ANKRD29: variants seen among roughly 807,000 people sequenced by gnomAD.
The protein encoded by ANKRD29 is ankyrin repeat domain-containing protein 29.
ANKRD29 carries 32 observed loss-of-function variants against 38.0 expected under a neutral mutation model. That is an observed-to-expected ratio of 0.84 (90% CI 0.64 to 1.13). The LOEUF (loss-of-function observed/expected upper bound fraction) is 1.13, where lower values mean the gene tolerates loss of function less well. Ranked by LOEUF, ANKRD29 falls within the 50% of genes most tolerant of loss-of-function variation. The probability of loss-of-function intolerance (pLI) is 0.00; values close to 1 mark genes in which losing one functional copy is unlikely to be tolerated. For synonymous variants in ANKRD29, 135 were observed against 152.4 expected, an observed-to-expected ratio of 0.89 and a Z score of 0.84; for missense variants, 357 against 377.9, an observed-to-expected ratio of 0.94 and a Z score of 0.46.
chr18:23,603,392 G>T (rs1387895415), intron 9 of ANKRD29, among the ~76,000 whole-genome samples: 1 of 152,248 alleles, frequency 6.6e-6, no homozygotes, highest in African/African-American at 2.4e-5. Context: ...CAGCACTTTG[G>T]GAGGCCAAGG....
chr18:23,639,277 C>T (rs1394122903), intron 3 of ANKRD29, among the ~76,000 whole-genome samples: 2 of 152,098 alleles, frequency 1.3e-5, no homozygotes, highest in East Asian at 3.9e-4. Context: ...GGCCCTAAAT[C>T]TAATGACAAG....
intron 4 of ANKRD29, among the ~76,000 whole-genome samples, chr18:23,637,994 C>CTTTTTTTTTTT (rs3083465): frequency 1.0e-4 from 10 of 98,080 alleles, no homozygotes; most frequent in African/African-American, 3.3e-4. Flanking sequence ...TCAATTACTT[C>CTTTTTTTTTTT]TTTTTTTTTT....
chr18:23,612,170 A>G lies in ANKRD29; in HGVS notation c.744T>C (p.His248=), dbSNP rs2059651445. 7.4e-6 allele frequency: 12 copies of G among 1,613,904 alleles called. No homozygotes were observed. The highest frequency in any genetic ancestry group is 1.0e-5 in the Non-Finnish European group (12 of 1,179,918). ...GILKNGTSAL[H]AAVLSGNIKT... is the part of the protein sequence containing the mutation. ...TAATGTTTCCACTGAGCACTGCTGC[A>G]TGGAGCGCTGATGTCCCATTCTAAG... is the stretch of plus-strand genomic sequence containing the variant. Residue 248 remains histidine, a synonymous_variant, in exon 9 of 10, where the codon CAT becomes CAC. Transcript: ENST00000592179.
At position 23,662,764 on chromosome 18, in the gene ANKRD29, T is replaced by G. The variant is rs1315498672; in HGVS notation, c.-34A>C. 7.6e-6 allele frequency: 11 copies of G among 1,452,640 alleles called. No homozygotes were observed. Among genetic ancestry groups the G allele is most frequent in the South Asian group, 1.3e-5 (1 of 75,390 alleles). The allele number at this position is 1,452,640 out of a possible 1,614,324, so 90.0% of individuals were successfully genotyped here. On this transcript the variant is annotated 5_prime_UTR_variant, in exon 1 of 10. Coordinates refer to ENST00000592179, the MANE Select transcript of ANKRD29 (RefSeq NM_173505.4). ...CCGCCCGAGCGGGAGCCGGCGCGCT[T>G]TGGGCCCGGGGCGCCTTGTCCTCCC...
intron 8 of ANKRD29, among the ~76,000 whole-genome samples, chr18:23,614,967 G>A (rs1168766217): frequency 6.6e-6 from 1 of 152,098 alleles, no homozygotes; most frequent in African/African-American, 2.4e-5. Context: ...TATATCTCAG[G>A]GGTCAGCAAA....
At chr18:23,643,477 A>G (rs2060102937) in intron 3 of ANKRD29, among the ~76,000 whole-genome samples, 2 of 152,206 alleles carry the variant, frequency 1.3e-5, no homozygotes, top group African/African-American at 4.8e-5. Context: ...AGTAAGATAA[A>G]TAATTTGCTT....
rs775499387 is a variant in ANKRD29, at chr18:23,649,024, T to C, written c.132+59A>G. On this transcript the variant is annotated intron_variant, in intron 2 of 9. Coordinates refer to ENST00000592179, the MANE Select transcript of ANKRD29 (RefSeq NM_173505.4). ...AAAGGGGAATGTATTCCTGAGGTGC[T>C]CCTGTGCCCACAGAGGGCAATGGTG... 4 of 1,361,928 alleles carry C rather than the reference T, an allele frequency of 2.9e-6. No homozygotes were observed. In the African/African-American group the frequency reaches 5.8e-5, roughly 20 times the overall value. The allele number at this position is 1,361,928 out of a possible 1,614,324, so 84.4% of individuals were successfully genotyped here.
chr18:23,661,983 C>T (rs1444398493), intron 1 of ANKRD29, among the ~76,000 whole-genome samples: 1 of 149,538 alleles, frequency 6.7e-6, no homozygotes, highest in South Asian at 2.1e-4. Flanking sequence ...GCTGCAAAAC[C>T]GTGGGTGAGT....
intron 9 of ANKRD29, among the ~76,000 whole-genome samples, chr18:23,602,033 G>T (rs1225711773): frequency 1.3e-5 from 2 of 150,528 alleles, no homozygotes; most frequent in East Asian, 4.0e-4. Context: ...ACTCAGCACA[G>T]GTGTCTTTTT....
intron 8 of ANKRD29, 124 bp downstream of exon 8, chr18:23,617,608 G>T: frequency 1.5e-6 from 1 of 656,438 alleles, no homozygotes; most frequent in South Asian, 1.9e-5. Flanking sequence ...GAAGCTGCAG[G>T]TGTGTTCTTT....
intron 2 of ANKRD29, 23 bp from the exon 3 acceptor site, chr18:23,646,310 A>G (rs934160365): frequency 6.2e-7 from 1 of 1,604,144 alleles, no homozygotes; most frequent in Middle Eastern, 1.7e-4. Context: ...GAGACAGATG[A>G]AGAGTTAGGC....
intron 1 of ANKRD29, among the ~76,000 whole-genome samples, chr18:23,662,256 TG>T (rs1398836400): frequency 6.6e-6 from 1 of 152,236 alleles, no homozygotes; most frequent in Non-Finnish European, 1.5e-5. Flanking sequence ...AAGACACCTT[TG>T]GACCCTGAAG....
chr18:23,619,192 G>A (rs1052401034), intron 7 of ANKRD29, among the ~76,000 whole-genome samples: 125 of 152,334 alleles, frequency 8.2e-4, no homozygotes, highest in African/African-American at 2.8e-3. Context: ...CCTGCAGGAG[G>A]CGCAGCACCA....
At chr18:23,641,708 C>A (rs924131564) in intron 3 of ANKRD29, among the ~76,000 whole-genome samples, 11 of 152,216 alleles carry the variant, frequency 7.2e-5, no homozygotes, top group African/African-American at 2.7e-4. Context: ...AGCACACACT[C>A]CCTCCTTTCT....
intron 3 of ANKRD29, among the ~76,000 whole-genome samples, chr18:23,644,547 G>A (rs2145719258): frequency 6.6e-6 from 1 of 152,346 alleles, no homozygotes; most frequent in South Asian, 2.1e-4. Context: ...TTTGTGAGAA[G>A]ACTGCATTTG....
intron 6 of ANKRD29, among the ~76,000 whole-genome samples, chr18:23,620,092 C>T (rs2059777889): frequency 1.3e-5 from 2 of 152,124 alleles, no homozygotes; most frequent in African/African-American, 4.8e-5. Flanking sequence ...CAGTGGGTCA[C>T]ACCTTAATGT....
In ANKRD29 at chr18:23,612,081, T is replaced by A. The variant is rs748596235; in HGVS notation, c.822+11A>T. On this transcript the variant is annotated intron_variant, in intron 9 of 9. Coordinates refer to ENST00000592179, the MANE Select transcript of ANKRD29 (RefSeq NM_173505.4). ...GGGCCCAAACGAGTTAAAAGATTGC[T>A]TAGTGGGTACCTTGTTTCTCAGGGA... The A allele has an allele frequency of 1.9e-6, 3 of 1,612,614 alleles. No individual in the cohort carries two copies. The highest frequency in any genetic ancestry group is 1.7e-6 in the Non-Finnish European group (2 of 1,179,636).
At chr18:23,637,424 G>C (rs1456436716) in intron 4 of ANKRD29, among the ~76,000 whole-genome samples, 1 of 152,176 alleles carries the variant, frequency 6.6e-6, no homozygotes, top group African/African-American at 2.4e-5. Context: ...TTGAGACAGA[G>C]TCTTCCTTTG....
At chr18:23,632,922 T>C (rs1285072252) in intron 5 of ANKRD29, among the ~76,000 whole-genome samples, 2 of 152,114 alleles carry the variant, frequency 1.3e-5, no homozygotes, top group Admixed American at 1.3e-4. Flanking sequence ...CTGGAAAGGG[T>C]GTTCAAATGG....
Sources: gnomAD v4.1 joint callset for allele counts (sites outside exome capture counted in the v4.1 genomes callset) on GRCh38, gnomAD v4.1.1 for gene constraint, MANE v1.5 for transcripts, NCBI Gene and HGNC (gene_info 2026-07-23, HGNC 2026-07-21) for gene names.